TEX9: variants seen among roughly 807,000 people sequenced by gnomAD.
The protein encoded by TEX9 is testis expressed 9.
TEX9 carries 74 observed loss-of-function variants against 59.6 expected under a neutral mutation model. That is an observed-to-expected ratio of 1.24 (90% confidence interval 1.03 to 1.51). The LOEUF is 1.51. TEX9 is among the 40% of genes most tolerant of loss of function. TEX9 has a pLI of 0.00. For synonymous variants in TEX9, 186 were observed against 152.2 expected (o/e 1.22, Z -1.64); for missense variants, 522 against 447.8 (o/e 1.17, Z -1.49).
Position 56,394,646 on chromosome 15 carries a change from A to C in TEX9, c.655-15A>C. 1 of 1,507,484 alleles carries C rather than the reference A, an allele frequency of 6.6e-7. No individual in the cohort carries two copies. Among genetic ancestry groups the C allele is most frequent in the Non-Finnish European group, 9.0e-7 (1 of 1,110,000 alleles). 93.4% of individuals were successfully genotyped at this position (1,507,484 alleles called of 1,614,324 possible). On this transcript the variant is annotated splice_polypyrimidine_tract_variant and intron_variant, in intron 8 of 12. Coordinates refer to ENST00000352903, the Ensembl canonical transcript of TEX9. ...TACATATTTTTTCACATAATCTATA[A>C]CTTTATAACTATAGGAGGATGAAAT...
intron 2 of TEX9, among the ~76,000 whole-genome samples, chr15:56,372,697 T>C (rs1813181987): frequency 6.6e-6 from 1 of 152,156 alleles, no homozygotes; most frequent in African/African-American, 2.4e-5. Context: ...AGATGAAAAT[T>C]GGAAGGGAAT....
intron 1 of TEX9, among the ~76,000 whole-genome samples, chr15:56,325,143 C>G (rs973810499): frequency 6.6e-6 from 1 of 152,154 alleles, no homozygotes; most frequent in Non-Finnish European, 1.5e-5. Context: ...TTCTGTGTAG[C>G]ATTGATTACC....
chr15:56,309,109 G>A (rs1183523210), intron 1 of TEX9, among the ~76,000 whole-genome samples: 2 of 152,114 alleles, frequency 1.3e-5, no homozygotes, highest in South Asian at 2.1e-4. Flanking sequence ...GATAGAAATT[G>A]TTTTGAATCT....
At chr15:56,350,037 A>G (rs1259111787) in intron 1 of TEX9, among the ~76,000 whole-genome samples, 2 of 151,974 alleles carry the variant, frequency 1.3e-5, no homozygotes, top group Non-Finnish European at 2.9e-5. Flanking sequence ...CTGTGCTGTC[A>G]TAGGTCCCGG....
intron 10 of TEX9, among the ~76,000 whole-genome samples, chr15:56,420,869 T>G (rs1412237832): frequency 1.3e-5 from 2 of 151,952 alleles, no homozygotes; most frequent in African/African-American, 4.9e-5. Context: ...CCAGATACCA[T>G]TCTTACTGAT....
At chr15:56,423,006 A>T (rs1285345934) in intron 10 of TEX9, among the ~76,000 whole-genome samples, 4 of 152,190 alleles carry the variant, frequency 2.6e-5, no homozygotes, top group Non-Finnish European at 5.9e-5. Context: ...AAGGCTTAAT[A>T]ATCATTGTAT....
chr15:56,401,431 A>G (rs1168175214), intron 9 of TEX9, among the ~76,000 whole-genome samples: 2 of 151,980 alleles, frequency 1.3e-5, no homozygotes, highest in Admixed American at 6.6e-5. Context: ...TCAATTCAAC[A>G]AGAAGAGCTA....
chr15:56,383,834 A>G (rs2047842268), intron 3 of TEX9, 118 bp from the exon 4 acceptor site: 1 of 656,166 alleles, frequency 1.5e-6, no homozygotes, highest in Non-Finnish European at 2.6e-6. Flanking sequence ...CCGTGCCTTT[A>G]TGTTATGGAA....
intron 10 of TEX9, among the ~76,000 whole-genome samples, chr15:56,417,379 G>A (rs2049747829): frequency 6.6e-6 from 1 of 151,860 alleles, no homozygotes; most frequent in Non-Finnish European, 1.5e-5. Context: ...CTGTGTTCTA[G>A]AGATTCTGGT....
At chr15:56,258,370 G>C (rs2044189046) in intron 1 of TEX9, among the ~76,000 whole-genome samples, 1 of 151,996 alleles carries the variant, frequency 6.6e-6, no homozygotes, top group Admixed American at 6.6e-5. Context: ...TCTATAAATT[G>C]CTTTGGTCAG....
chr15:56,431,601 T>TTAGTGTCATAAATAGTTCATC, intron 12 of TEX9: 1 of 1,075,592 alleles, frequency 9.3e-7, no homozygotes, highest in Non-Finnish European at 1.3e-6. Context: ...ATTGATGAAC[T>TTAGTGTCATAAATAGTTCATC]ATTTATGACA....
chr15:56,443,213 A>T (rs1233750420), intron 12 of TEX9, among the ~76,000 whole-genome samples: 1 of 152,184 alleles, frequency 6.6e-6, no homozygotes, highest in African/African-American at 2.4e-5. Context: ...TACAGACAAC[A>T]TAGTTGCATC....
intron 1 of TEX9, among the ~76,000 whole-genome samples, chr15:56,339,389 A>AAAAAAAAAAAAAAAAAAAAAAC (rs2046323387): frequency 9.5e-6 from 1 of 105,594 alleles, no homozygotes; most frequent in African/African-American, 3.5e-5. Context: ...TCTCCAAAAA[A>AAAAAAAAAAAAAAAAAAAAAAC]AAAAAAAAAA....
intron 9 of TEX9, among the ~76,000 whole-genome samples, chr15:56,411,814 G>A (rs1287943702): frequency 6.6e-6 from 1 of 152,136 alleles, no homozygotes; most frequent in African/African-American, 2.4e-5. Flanking sequence ...AAGATCTGTT[G>A]TTTCTACTTA....
chr15:56,325,889 G>A (rs1296430131), intron 1 of TEX9, among the ~76,000 whole-genome samples: 1 of 152,178 alleles, frequency 6.6e-6, no homozygotes, highest in Non-Finnish European at 1.5e-5. Flanking sequence ...TTTTGTGACT[G>A]TGCATTTACC....
chr15:56,397,029 T>A (rs62022126), intron 9 of TEX9: 2,000 of 152,402 alleles, frequency 0.013, 15 homozygotes, highest in Non-Finnish European at 0.019. Context: ...GAGGCAGAGG[T>A]TGGAAAAGTT....
intron 2 of TEX9, among the ~76,000 whole-genome samples, chr15:56,369,153 A>G (rs1438410266): frequency 1.3e-5 from 2 of 152,020 alleles, no homozygotes; most frequent in African/African-American, 2.4e-5. Flanking sequence ...TTAGTTTGCA[A>G]GCACATAGGG....
intron 1 of TEX9, among the ~76,000 whole-genome samples, chr15:56,261,801 A>G (rs1218449684): frequency 3.9e-5 from 6 of 152,156 alleles, no homozygotes; most frequent in Non-Finnish European, 7.4e-5. Context: ...GGATATAGGA[A>G]TAGTAGATGT....
At chr15:56,329,186 A>G (rs2046089332) in intron 1 of TEX9, among the ~76,000 whole-genome samples, 1 of 152,188 alleles carries the variant, frequency 6.6e-6, no homozygotes, top group South Asian at 2.1e-4. Flanking sequence ...CCACCAAGGC[A>G]GTATCTCTGT....
Sources: gnomAD v4.1 joint callset for allele counts (sites outside exome capture counted in the v4.1 genomes callset) on GRCh38, gnomAD v4.1.1 for gene constraint, MANE v1.5 for transcripts, NCBI Gene and HGNC (gene_info 2026-07-23, HGNC 2026-07-21) for gene names.